SLC2A13: variants seen among roughly 807,000 people sequenced by gnomAD.
SLC2A13 encodes proton myo-inositol cotransporter.
In SLC2A13, 32 loss-of-function variants were observed where a neutral mutation model predicts 64.4. The ratio of observed to expected loss-of-function variants is 0.50; its 90% CI spans 0.37 to 0.67. The LOEUF (loss-of-function observed/expected upper bound fraction) is 0.67. Among genes scored for constraint, SLC2A13 ranks in the 30% least tolerant of loss-of-function variants. The probability of loss-of-function intolerance (pLI) is 0.00; values close to 1 mark genes in which losing one functional copy is unlikely to be tolerated. For synonymous variants in SLC2A13, 338 were observed against 327.1 expected, an observed-to-expected ratio of 1.03 and a Z score of -0.36; for missense variants, 743 against 829.2, an observed-to-expected ratio of 0.90 and a Z score of 1.28.
Position 39,756,726 on chromosome 12 carries a change from C to T in SLC2A13, c.*3300G>A, listed in dbSNP as rs1424315542. The T allele has an allele frequency of 6.6e-6, 1 of 151,604 alleles. No homozygotes were observed. Among genetic ancestry groups the T allele is most frequent in the Non-Finnish European group, 1.5e-5 (1 of 67,662 alleles). 9.4% of individuals were successfully genotyped at this position (151,604 alleles called of 1,614,324 possible). A position where few individuals can be genotyped will look rare whatever the true frequency, so the allele number is the denominator to read the frequency against. On this transcript the variant is annotated 3_prime_UTR_variant, in exon 10 of 10. Coordinates refer to ENST00000280871, the MANE Select transcript of SLC2A13 (RefSeq NM_052885.4). ...GTTGTCAGCTTATATTTTTCCTGAT[C>T]ATTCTTCCCCTGTATAACAGATACT...
At chr12:39,961,102 G>A (rs1449876222) in intron 3 of SLC2A13, among the ~76,000 whole-genome samples, 75 of 149,866 alleles carry the variant, frequency 5.0e-4, no homozygotes, top group Admixed American at 2.0e-3. Flanking sequence ...ACTTTGAGAC[G>A]GAGTCTCGCT....
At chr12:39,900,245 G>A (rs1324774464) in intron 4 of SLC2A13, among the ~76,000 whole-genome samples, 1 of 152,028 alleles carries the variant, frequency 6.6e-6, no homozygotes. Context: ...TACTGAATGG[G>A]CAAAAACTGG....
At chr12:39,877,987 AC>A (rs1487384552) in intron 4 of SLC2A13, among the ~76,000 whole-genome samples, 2 of 152,016 alleles carry the variant, frequency 1.3e-5, no homozygotes, top group Non-Finnish European at 2.9e-5. Flanking sequence ...ACCTCCCCTG[AC>A]CCACTCTCCT....
intron 7 of SLC2A13, among the ~76,000 whole-genome samples, chr12:39,807,210 A>T (rs186485198): frequency 6.6e-6 from 1 of 152,302 alleles, no homozygotes; most frequent in African/African-American, 2.4e-5. Flanking sequence ...GCCACGTAGG[A>T]TGTGGGGAGT....
chr12:40,080,411 G>A (rs1054459348), intron 1 of SLC2A13, among the ~76,000 whole-genome samples: 1 of 151,968 alleles, frequency 6.6e-6, no homozygotes, highest in Non-Finnish European at 1.5e-5. Context: ...TTGTTTTTGA[G>A]AGGGGGCCTT....
At chr12:40,067,105 C>G (rs371206027) in intron 1 of SLC2A13, among the ~76,000 whole-genome samples, 1 of 152,158 alleles carries the variant, frequency 6.6e-6, no homozygotes, top group African/African-American at 2.4e-5. Context: ...GTGTACAAAA[C>G]TGCAAATCGA....
At chr12:39,937,317 G>A (rs546096643) in intron 4 of SLC2A13, among the ~76,000 whole-genome samples, 1 of 152,282 alleles carries the variant, frequency 6.6e-6, no homozygotes, top group South Asian at 2.1e-4. Context: ...GTCATATTGT[G>A]TATCTCTGGT....
chr12:40,096,748 T>C (rs1313691723), intron 1 of SLC2A13, among the ~76,000 whole-genome samples: 1 of 151,890 alleles, frequency 6.6e-6, no homozygotes, highest in African/African-American at 2.4e-5. Context: ...CTATACATTA[T>C]ATATATATTA....
intron 6 of SLC2A13, among the ~76,000 whole-genome samples, chr12:39,847,422 G>C (rs1359992680): frequency 6.6e-6 from 1 of 152,030 alleles, no homozygotes; most frequent in Non-Finnish European, 1.5e-5. Flanking sequence ...ATGGCCAAGG[G>C]ATTAATTCTG....
chr12:39,883,341 T>C (rs1426224196), intron 4 of SLC2A13, among the ~76,000 whole-genome samples: 2 of 152,158 alleles, frequency 1.3e-5, no homozygotes, highest in African/African-American at 4.8e-5. Flanking sequence ...CACTGCCAGT[T>C]TGTGTTCCCA....
At chr12:39,777,214 A>G (rs181365207) in intron 7 of SLC2A13, among the ~76,000 whole-genome samples, 7 of 152,220 alleles carry the variant, frequency 4.6e-5, no homozygotes, top group African/African-American at 1.7e-4. Context: ...CATATGAGGG[A>G]CTTTGGGTGA....
chr12:39,875,441 T>G (rs1944158135), intron 4 of SLC2A13, among the ~76,000 whole-genome samples: 1 of 152,206 alleles, frequency 6.6e-6, no homozygotes, highest in African/African-American at 2.4e-5. Flanking sequence ...GTAAACTGAT[T>G]AGCACATTTA....
At chr12:39,932,481 T>TA (rs1945843241) in intron 4 of SLC2A13, among the ~76,000 whole-genome samples, 1 of 152,246 alleles carries the variant, frequency 6.6e-6, no homozygotes, top group African/African-American at 2.4e-5. Context: ...TTGTCTGCGT[T>TA]TCTCATGCAA....
At chr12:39,790,545 G>A (rs1941361703) in intron 7 of SLC2A13, among the ~76,000 whole-genome samples, 1 of 149,294 alleles carries the variant, frequency 6.7e-6, no homozygotes, top group South Asian at 2.2e-4. Flanking sequence ...CAAAGGACAT[G>A]AACTCATCCT....
At chr12:39,919,285 C>T (rs2136052711) in intron 4 of SLC2A13, among the ~76,000 whole-genome samples, 1 of 152,186 alleles carries the variant, frequency 6.6e-6, no homozygotes, top group South Asian at 2.1e-4. Flanking sequence ...AAACATTCTT[C>T]TTGGCCAATG....
chr12:40,086,890 G>A (rs1056075940), intron 1 of SLC2A13, among the ~76,000 whole-genome samples: 1 of 152,144 alleles, frequency 6.6e-6, no homozygotes, highest in Non-Finnish European at 1.5e-5. Flanking sequence ...AGTTACCAAC[G>A]GCCAGTCCCA....
chr12:39,938,684 G>T (rs1259074893), intron 4 of SLC2A13, among the ~76,000 whole-genome samples: 1 of 104,226 alleles, frequency 9.6e-6, no homozygotes, highest in African/African-American at 3.0e-5. Context: ...AGGGATCATT[G>T]ACTTTTTTTT....
intron 6 of SLC2A13, among the ~76,000 whole-genome samples, chr12:39,833,998 T>A (rs752397105): frequency 2.6e-5 from 4 of 151,810 alleles, no homozygotes; most frequent in Non-Finnish European, 4.4e-5. Flanking sequence ...CCAAGAAGAA[T>A]CTGAACAAAC....
Position 40,040,554 on chromosome 12 carries a change from C to T in SLC2A13, c.716+7497G>A, listed in dbSNP as rs889562805. ...TACAGGCATGTGCCACTATATCCAG[C>T]TAATTTTTCTATTTTTTGGTAGAGA... On this transcript the variant is annotated intron_variant, in intron 2 of 9. Transcript: ENST00000280871. 2.0e-5 allele frequency among the ~76,000 whole-genome samples: 3 copies of T among 152,108 alleles called. No individual in the cohort carries two copies. In the South Asian group the frequency reaches 6.2e-4, roughly 32 times the overall value.
Sources: allele counts gnomAD v4.1 joint callset (sites outside exome capture counted in the v4.1 genomes callset), GRCh38; gene constraint gnomAD v4.1.1; transcripts MANE v1.5; gene names NCBI Gene and HGNC (gene_info 2026-07-23, HGNC 2026-07-21).